Variants in FCRL4 observed in about 807,000 individuals in gnomAD.
FCRL4 encodes Fc receptor-like protein 4.
A neutral mutation model predicts 64.1 loss-of-function variants in FCRL4; 43 were observed. That is an observed-to-expected ratio of 0.67 (90% CI 0.53 to 0.87). FCRL4 has a LOEUF of 0.87. FCRL4 is among the 40% of genes least tolerant of loss of function. FCRL4 has a pLI of 0.00. For missense variants in FCRL4, 656 were observed against 613.5 expected, an observed-to-expected ratio of 1.07 and a Z score of -0.73; for synonymous variants, 253 against 239.8, an observed-to-expected ratio of 1.05 and a Z score of -0.51.
rs763269391 is a variant in FCRL4, at chr1:157,587,981, C to G, written c.446G>C (p.Ser149Thr). The G allele has an allele frequency of 1.2e-6, 2 of 1,613,214 alleles. No homozygotes were observed. The highest frequency in any genetic ancestry group is 1.7e-6 in the Non-Finnish European group (2 of 1,179,562). The change falls in exon 4 of 12, where the codon AGC (serine) becomes ACC (threonine). Residue 149 changes from serine (S) to threonine (T), a missense_variant. Coordinates refer to ENST00000271532, the MANE Select transcript of FCRL4 (RefSeq NM_031282.3). ...TGCTTGTGGGATAAGAAGATCCCAG[C>G]TTTTATTAGAAATGGAAAGAATGTT... is the stretch of plus-strand genomic sequence containing the variant. ...NGNILSISNK[S>T]WDLLIPQASS...
At position 157,596,433 on chromosome 1, in the gene FCRL4, C is replaced by T. The variant is rs970642821; in HGVS notation, c.32-85G>A. 70 of 1,450,416 alleles carry T rather than the reference C, an allele frequency of 4.8e-5. No individual in the cohort carries two copies. The African/African-American group carries it at 9.2e-4, about 19-fold the overall frequency. 89.8% of individuals were successfully genotyped at this position (1,450,416 alleles called of 1,614,324 possible). ...TGAGAGCCCATACACTCATATGCTA[C>T]TTCCAACCAAGAGGAAGAGAAACAC... On this transcript the variant is annotated intron_variant, in intron 1 of 11. Transcript: ENST00000271532.
Position 157,586,769 on chromosome 1 carries a change from G to A in FCRL4, c.848-314C>T, listed in dbSNP as rs555975530. Among the ~76,000 whole-genome samples, 5 of 152,304 alleles carry A rather than the reference G, an allele frequency of 3.3e-5. No individual in the cohort carries two copies. In the South Asian group the frequency reaches 1.0e-3, roughly 32 times the overall value. ...AGGTAATAGCAATAGCAGCCATCAT[G>A]GCACTAGGCTGGACCACATCTGTTT... On this transcript the variant is annotated intron_variant, in intron 5 of 11. Transcript: ENST00000271532.
In FCRL4 at chr1:157,587,370, G is replaced by A; in HGVS notation, c.753C>T (p.Val251=). The A allele has an allele frequency of 6.2e-7, 1 of 1,614,244 alleles. No homozygotes were observed. The highest frequency in any genetic ancestry group is 8.5e-7 in the Non-Finnish European group (1 of 1,180,044). ...AATAGGATCCTGAGTTTTCTCTCCA[G>A]ACGGTTGGGAGCTGGAGTTCCGGGT... ...STYPELQLPT[V]WRENSGSYWC... Residue 251 remains valine (V), a synonymous_variant, in exon 5 of 12, where the codon GTC becomes GTT. Transcript: ENST00000271532.
rs1176323347 is a variant in FCRL4, at chr1:157,575,202, C to T, written c.*322G>A. The stretch of plus-strand genomic sequence containing the variant: ...CACCAAAATTTGTGCTTCTGTTTTT[C>T]ATAACAGTCCTTCTCTCTCTTTATC... On this transcript the variant is annotated 3_prime_UTR_variant, in exon 12 of 12. Coordinates refer to ENST00000271532, the MANE Select transcript of FCRL4 (RefSeq NM_031282.3). 2.9e-6 allele frequency: 1 copy of T among 347,622 alleles called. No homozygotes were observed. Among genetic ancestry groups the T allele is most frequent in the Non-Finnish European group, 5.3e-6 (1 of 188,606 alleles). The allele number at this position is 347,622 out of a possible 1,614,324, so 21.5% of individuals were successfully genotyped here. A position where few individuals can be genotyped will look rare whatever the true frequency, so the allele number is the denominator to read the frequency against.
chr1:157,581,435 T>C, intron 7 of FCRL4, 96 bp downstream of exon 7: 3 of 946,342 alleles, frequency 3.2e-6, no homozygotes, highest in Non-Finnish European at 5.0e-6. Flanking sequence ...GAGTGGAGAC[T>C]TGGGAGTGGT....
At position 157,575,359 on chromosome 1, in the gene FCRL4, G is replaced by T; in HGVS notation, c.*165C>A. 1 of 623,834 alleles carries T rather than the reference G, an allele frequency of 1.6e-6. No individual in the cohort carries two copies. Among genetic ancestry groups the T allele is most frequent in the South Asian group, 1.9e-5 (1 of 52,166 alleles). 38.6% of individuals were successfully genotyped at this position (623,834 alleles called of 1,614,324 possible). ...CAGAGGCCATTCCATCCCAACATCA[G>T]AGTAGACGAATGAGTATTCCTGGGA... On this transcript the variant is annotated 3_prime_UTR_variant, in exon 12 of 12. Coordinates refer to ENST00000271532, the MANE Select transcript of FCRL4 (RefSeq NM_031282.3).
chr1:157,596,290 T>C (rs1652962698), intron 2 of FCRL4, 38 bp downstream of exon 2: 1 of 1,598,884 alleles, frequency 6.3e-7, no homozygotes, highest in East Asian at 2.2e-5. Context: ...TATTAGGGTA[T>C]CTAGAGACAT....
intron 7 of FCRL4, among the ~76,000 whole-genome samples, chr1:157,581,173 T>C (rs1449737757): frequency 6.6e-6 from 1 of 152,216 alleles, no homozygotes; most frequent in African/African-American, 2.4e-5. Flanking sequence ...AATCTCCATT[T>C]ATGGTGGATT....
At chr1:157,575,944 C>T (rs554918653) in intron 10 of FCRL4, among the ~76,000 whole-genome samples, 12 of 152,228 alleles carry the variant, frequency 7.9e-5, no homozygotes, top group South Asian at 2.1e-4. Flanking sequence ...TCCATTGATC[C>T]GTAAAGTCCT....
intron 2 of FCRL4, among the ~76,000 whole-genome samples, 176 bp downstream of exon 2, chr1:157,596,152 C>T (rs1652959608): frequency 6.6e-6 from 1 of 152,112 alleles, no homozygotes. Context: ...AGAGAGTCAC[C>T]CCCAAATAGC....
intron 10 of FCRL4, among the ~76,000 whole-genome samples, chr1:157,576,660 C>A (rs776374068): frequency 6.6e-6 from 1 of 152,124 alleles, no homozygotes; most frequent in Non-Finnish European, 1.5e-5. Flanking sequence ...ATCAAGACAG[C>A]TTTATAAGAT....
Position 157,586,461 on chromosome 1 carries a change from T to C in FCRL4, c.848-6A>G, listed in dbSNP as rs770937243. Reference sequence around the variant, plus strand: ...CACCCCAGACACAGGGATCCCTATGTGAAAATGAGACCACAGGTGGGGGTC... The same window carrying C: ...CACCCCAGACACAGGGATCCCTATGCGAAAATGAGACCACAGGTGGGGGTC... On this transcript the variant is annotated splice_polypyrimidine_tract_variant and splice_region_variant and intron_variant, in intron 5 of 11. Transcript: ENST00000271532. 6.3e-7 allele frequency: 1 copy of C among 1,599,636 alleles called. No individual in the cohort carries two copies. The highest frequency in any genetic ancestry group is 2.2e-5 in the East Asian group (1 of 44,704).
intron 2 of FCRL4, among the ~76,000 whole-genome samples, chr1:157,596,056 G>A (rs547219252): frequency 6.6e-6 from 1 of 152,276 alleles, no homozygotes; most frequent in Admixed American, 6.5e-5. Context: ...ACATCAGGCG[G>A]GGTGACAGCT....
At chr1:157,578,354 C>T in intron 10 of FCRL4, 120 bp downstream of exon 10, 1 of 825,366 alleles carries the variant, frequency 1.2e-6, no homozygotes, top group South Asian at 1.6e-5. Context: ...TTTTGTCTGC[C>T]TTGTTTACTG....
Position 157,575,191 on chromosome 1 carries a change from C to T in FCRL4, c.*333G>A, listed in dbSNP as rs1376939298. The T allele has an allele frequency of 8.8e-6, 3 of 342,176 alleles. No individual in the cohort carries two copies. Among genetic ancestry groups the T allele is most frequent in the Non-Finnish European group, 1.6e-5 (3 of 184,948 alleles). 21.2% of individuals were successfully genotyped at this position (342,176 alleles called of 1,614,324 possible). On this transcript the variant is annotated 3_prime_UTR_variant, in exon 12 of 12. Transcript: ENST00000271532. Reference sequence around the variant, plus strand: ...AAATCCCAATTCACCAAAATTTGTGCTTCTGTTTTTCATAACAGTCCTTCT... The same window carrying T: ...AAATCCCAATTCACCAAAATTTGTGTTTCTGTTTTTCATAACAGTCCTTCT...
chr1:157,585,765 G>A (rs1054847529), intron 6 of FCRL4, among the ~76,000 whole-genome samples: 2 of 152,118 alleles, frequency 1.3e-5, no homozygotes, highest in African/African-American at 4.8e-5. Context: ...ACTTGAGGCT[G>A]CAGGTCTGAT....
chr1:157,596,495 CAGTGGCCAG>C (rs369546605), intron 1 of FCRL4, 147 bp from the exon 2 acceptor site: 32,695 of 901,266 alleles, frequency 0.036, 799 homozygotes, highest in Non-Finnish European at 0.045. Flanking sequence ...CGGGGAAACA[CAGTGGCCAG>C]ACGCTCAGGC....
chr1:157,596,293 A>G (rs1652962784), intron 2 of FCRL4, 35 bp downstream of exon 2: 1 of 1,604,020 alleles, frequency 6.2e-7, no homozygotes, highest in African/African-American at 1.3e-5. Flanking sequence ...TAGGGTATCT[A>G]GAGACATAAA....
rs1455835513 is a variant in FCRL4 at position 157,574,035 on chromosome 1, T to A, written c.*1489A>T. The A allele has an allele frequency of 2.9e-5, 6 of 208,888 alleles. No homozygotes were observed. Among genetic ancestry groups the A allele is most frequent in the African/African-American group, 1.4e-4 (6 of 44,044 alleles). The allele number at this position is 208,888 out of a possible 1,614,324, so 12.9% of individuals were successfully genotyped here. A position where few individuals can be genotyped will look rare whatever the true frequency, so the allele number is the denominator to read the frequency against. ...TCTTTTTCTCTTTTTTTGGGGGTGATACATGTGACAAATTCATACACTCAT... is the reference window on the plus strand; with the variant it reads ...TCTTTTTCTCTTTTTTTGGGGGTGAAACATGTGACAAATTCATACACTCAT... On this transcript the variant is annotated 3_prime_UTR_variant, in exon 12 of 12. Transcript: ENST00000271532.
Sources: allele counts gnomAD v4.1 joint callset (sites outside exome capture counted in the v4.1 genomes callset), GRCh38; gene constraint gnomAD v4.1.1; transcripts MANE v1.5; gene names NCBI Gene and HGNC (gene_info 2026-07-23, HGNC 2026-07-21).